The following APP variants were observed in gnomAD, a reference collection of about 807,000 sequenced individuals.
APP encodes the protein amyloid-beta precursor protein.
Under a neutral mutation model 101.4 loss-of-function variants are expected in APP, and 31 were observed. The ratio of observed to expected loss-of-function variants is 0.31; its 90% CI spans 0.23 to 0.41. The LOEUF is 0.41. APP is among the 10% of genes least tolerant of loss of function. APP has a pLI of 1.00. For synonymous variants in APP, 366 were observed against 364.4 expected, an observed-to-expected ratio of 1.00 and a Z score of -0.05; for missense variants, 839 against 1,003.7, an observed-to-expected ratio of 0.84 and a Z score of 2.22.
chr21:26,082,087 C>G (rs766605864), intron 3 of APP, among the ~76,000 whole-genome samples: 12 of 152,054 alleles, frequency 7.9e-5, no homozygotes, highest in Non-Finnish European at 1.5e-4. Context: ...GGCGTGGTGG[C>G]GGGTGCCAGT....
At chr21:25,901,777 T>G (rs1787438) in intron 15 of APP, among the ~76,000 whole-genome samples, 133,153 of 152,016 alleles carry the variant, frequency 0.88, 58,473 homozygotes, top group Non-Finnish European at 0.91. Context: ...GACAGAGCCT[T>G]TTGTTCATGT....
At chr21:25,969,742 G>A (rs1184918117) in intron 11 of APP, among the ~76,000 whole-genome samples, 1 of 151,548 alleles carries the variant, frequency 6.6e-6, no homozygotes, top group African/African-American at 2.4e-5. Flanking sequence ...ATGAGGCTGA[G>A]GCAAAAGGAT....
chr21:25,890,026 C>A (rs2037587241), intron 17 of APP, among the ~76,000 whole-genome samples: 1 of 152,150 alleles, frequency 6.6e-6, no homozygotes, highest in South Asian at 2.1e-4. Context: ...TAAGCTGATA[C>A]TAATGAAAAC....
intron 17 of APP, among the ~76,000 whole-genome samples, chr21:25,885,253 T>C (rs1004563290): frequency 1.3e-5 from 2 of 152,164 alleles, no homozygotes; most frequent in African/African-American, 4.8e-5. Context: ...CAAGTAAGGG[T>C]AGCCTTCCTC....
At chr21:25,907,367 C>T (rs532943349) in intron 14 of APP, among the ~76,000 whole-genome samples, 4 of 151,656 alleles carry the variant, frequency 2.6e-5, no homozygotes, top group Admixed American at 6.6e-5. Context: ...ATATCATTGC[C>T]GAAAAAAAAG....
rs866254975 is a variant in APP at position 25,883,987 on chromosome 21, T to C, written c.2212-2216A>G. On this transcript the variant is annotated intron_variant, in intron 17 of 17. Transcript: ENST00000346798. ...TCTGCCTCCCAGGTTCAAGTGATTC[T>C]CCTGCCTCAGCCTCCCGAGTAGCTG... Among the ~76,000 whole-genome samples the C allele has an allele frequency of 1.1e-3, 173 of 152,104 alleles. 2 individuals carry two copies. Among genetic ancestry groups the C allele is most frequent in the African/African-American group, 3.8e-3 (156 of 41,522 alleles).
intron 1 of APP, among the ~76,000 whole-genome samples, chr21:26,167,052 T>C (rs2063633498): frequency 6.6e-6 from 1 of 152,220 alleles, no homozygotes; most frequent in Admixed American, 6.5e-5. Flanking sequence ...TAAACCTGGC[T>C]GGAAATTTAC....
intron 13 of APP, among the ~76,000 whole-genome samples, chr21:25,917,916 TG>T (rs949484745): frequency 4.5e-5 from 6 of 133,218 alleles, no homozygotes; most frequent in East Asian, 2.3e-4. Context: ...AACAAACATA[TG>T]AAAAAAAAAA....
chr21:26,112,604 C>G (rs536391104), intron 1 of APP, among the ~76,000 whole-genome samples: 3 of 152,222 alleles, frequency 2.0e-5, no homozygotes, highest in Non-Finnish European at 4.4e-5. Context: ...TGCCACCTCT[C>G]AGCACTGAGA....
At chr21:26,016,932 G>T (rs1366092664) in intron 6 of APP, among the ~76,000 whole-genome samples, 6 of 14,530 alleles carry the variant, frequency 4.1e-4, no homozygotes, top group East Asian at 3.0e-3. Flanking sequence ...GCACTTTGTG[G>T]GGGGCGGGGG....
At chr21:26,105,374 G>C (rs1343766171) in intron 2 of APP, among the ~76,000 whole-genome samples, 1 of 152,164 alleles carries the variant, frequency 6.6e-6, no homozygotes, top group Non-Finnish European at 1.5e-5. Flanking sequence ...CAACAGAGGA[G>C]ATGGTAAGAT....
chr21:25,928,378 C>A (rs1462950029), intron 13 of APP, among the ~76,000 whole-genome samples: 4 of 145,180 alleles, frequency 2.8e-5, no homozygotes, highest in South Asian at 4.5e-4. Flanking sequence ...AACAAAAAAA[C>A]CAAGTTTATA....
At chr21:25,896,050 A>G (rs1394804380) in intron 16 of APP, among the ~76,000 whole-genome samples, 1 of 152,156 alleles carries the variant, frequency 6.6e-6, no homozygotes, top group Non-Finnish European at 1.5e-5. Context: ...ACAAATGCAA[A>G]TCTGTACATT....
Position 26,034,638 on chromosome 21 carries a change from C to CA in APP, c.663-12597dup, listed in dbSNP as rs201287871. ...GCCTGGGCGACAGAGCAAGACTTCT[C>CA]AAAAAAAAAAAGAAAAAGAAAAAGA... On this transcript the variant is annotated intron_variant, in intron 5 of 17. Coordinates refer to ENST00000346798, the MANE Select transcript of APP (RefSeq NM_000484.4). Among the ~76,000 whole-genome samples, 134 of 17,026 alleles carry CA rather than the reference C, an allele frequency of 7.9e-3. 4 individuals are homozygous for CA. Among genetic ancestry groups the CA allele is most frequent in the South Asian group, 0.016 (6 of 372 alleles). The allele number at this position is 17,026 out of a possible 152,430, so 11.2% of individuals were successfully genotyped here.
intron 6 of APP, among the ~76,000 whole-genome samples, chr21:26,001,883 C>G (rs930198973): frequency 1.4e-4 from 21 of 152,290 alleles, no homozygotes; most frequent in African/African-American, 5.1e-4. Flanking sequence ...AGGCCAGAAG[C>G]TGCTCTGTCA....
At chr21:25,954,894 CA>C (rs2041247367) in intron 12 of APP, among the ~76,000 whole-genome samples, 2 of 150,446 alleles carry the variant, frequency 1.3e-5, no homozygotes, top group African/African-American at 2.5e-5. Flanking sequence ...ACTGAAAGGG[CA>C]ACTTTATTTT....
At chr21:26,170,124 A>G (rs1021275898) in intron 1 of APP, among the ~76,000 whole-genome samples, 4 of 152,200 alleles carry the variant, frequency 2.6e-5, no homozygotes, top group African/African-American at 9.6e-5. Context: ...CCCAGGGCCC[A>G]AGAGAAAGGA....
Position 25,955,682 on chromosome 21 carries a change from T to C in APP, c.1532A>G (p.His511Arg), listed in dbSNP as rs1191994201. The change falls in exon 12 of 18, where the codon CAT (histidine) becomes CGT (arginine). Residue 511 changes from histidine to arginine, a missense_variant. His to Arg is a conservative substitution (Grantham distance 29). Transcript: ENST00000346798. ...EQKDRQHTLK[H>R]FEHVRMVDPK... ...ATCCACCATGCGCACATGCTCGAAA[T>C]GCTTTAGGGTGTGCTGTCTGTCCTT... The C allele has an allele frequency of 6.2e-7, 1 of 1,614,208 alleles. No individual in the cohort carries two copies. The highest frequency in any genetic ancestry group is 2.2e-5 in the East Asian group (1 of 44,882).
intron 1 of APP, among the ~76,000 whole-genome samples, chr21:26,162,352 T>C (rs865849654): frequency 4.4e-4 from 67 of 152,212 alleles, no homozygotes; most frequent in African/African-American, 1.6e-3. Flanking sequence ...AGTATCAATA[T>C]GCTTTTGAAA....
Sources: gnomAD v4.1 joint callset for allele counts (sites outside exome capture counted in the v4.1 genomes callset) on GRCh38, gnomAD v4.1.1 for gene constraint, MANE v1.5 for transcripts, NCBI Gene and HGNC (gene_info 2026-07-23, HGNC 2026-07-21) for gene names.